Variants in DISC1 observed in about 807,000 individuals in gnomAD.
The protein encoded by DISC1 is DISC1 scaffold protein, also known as disrupted in schizophrenia 1 protein.
DISC1 carries 57 observed loss-of-function variants against 84.5 expected under a neutral mutation model. That is an observed-to-expected ratio of 0.67 (90% CI 0.55 to 0.84). The LOEUF (loss-of-function observed/expected upper bound fraction) is 0.84, where lower values mean the gene tolerates loss of function less well. DISC1 is among the 40% of genes least tolerant of loss of function. The probability of loss-of-function intolerance (pLI) is 0.00; values close to 1 mark genes in which losing one functional copy is unlikely to be tolerated. For synonymous variants in DISC1, 411 were observed against 415.2 expected (o/e 0.99, Z 0.12); for missense variants, 1,000 against 1,057.8 (o/e 0.95, Z 0.76).
At chr1:231,714,520 G>C (rs930857983) in intron 3 of DISC1, among the ~76,000 whole-genome samples, 1 of 151,988 alleles carries the variant, frequency 6.6e-6, no homozygotes, top group Non-Finnish European at 1.5e-5. Context: ...ATATGATTCA[G>C]CAATTCTACT....
At chr1:231,914,883 A>G (rs558790535) in intron 9 of DISC1, among the ~76,000 whole-genome samples, 2 of 152,344 alleles carry the variant, frequency 1.3e-5, no homozygotes, top group South Asian at 4.1e-4. Context: ...CAAGACAGGA[A>G]TGTGAGAATT....
chr1:232,001,522 CAA>C (rs994953286), intron 10 of DISC1, among the ~76,000 whole-genome samples: 27 of 152,186 alleles, frequency 1.8e-4, no homozygotes, highest in African/African-American at 5.3e-4. Flanking sequence ...GCAAAATATA[CAA>C]AGAGATATAA....
intron 2 of DISC1, among the ~76,000 whole-genome samples, chr1:231,696,919 C>T (rs967195593): frequency 2.6e-5 from 4 of 152,202 alleles, no homozygotes; most frequent in East Asian, 1.9e-4. Flanking sequence ...CATTAAGTAA[C>T]GCTAGGCTGT....
chr1:231,780,517 C>A (rs2077334609), intron 6 of DISC1, among the ~76,000 whole-genome samples: 1 of 143,454 alleles, frequency 7.0e-6, no homozygotes, highest in Non-Finnish European at 1.5e-5. Flanking sequence ...ACAACAGGTG[C>A]TGGAGAGGAT....
At chr1:231,726,560 A>C (rs1474897169) in intron 3 of DISC1, among the ~76,000 whole-genome samples, 1 of 152,134 alleles carries the variant, frequency 6.6e-6, no homozygotes, top group East Asian at 1.9e-4. Context: ...CAACAGGGAA[A>C]GCCCCTCCTC....
chr1:231,646,491 A>G (rs1225016986), intron 1 of DISC1, among the ~76,000 whole-genome samples: 1 of 152,206 alleles, frequency 6.6e-6, no homozygotes. Flanking sequence ...TTCTAGTAGC[A>G]TGATTTATAA....
At chr1:231,986,332 A>G (rs1304244821) in intron 10 of DISC1, among the ~76,000 whole-genome samples, 1 of 152,214 alleles carries the variant, frequency 6.6e-6, no homozygotes, top group Admixed American at 6.5e-5. Context: ...TGGATGCATA[A>G]GGCAGTGTAG....
intron 9 of DISC1, among the ~76,000 whole-genome samples, chr1:231,922,795 A>G (rs1210565371): frequency 6.6e-6 from 1 of 152,118 alleles, no homozygotes; most frequent in African/African-American, 2.4e-5. Context: ...TCCCCCAGGA[A>G]GGAAGGATGC....
In DISC1 at chr1:232,038,981, G is replaced by A. The variant is rs555843357; in HGVS notation, c.*2150G>A. The A allele has an allele frequency of 6.6e-6, 1 of 152,334 alleles. No individual in the cohort carries two copies. Among genetic ancestry groups the A allele is most frequent in the East Asian group, 1.9e-4 (1 of 5,184 alleles). 9.4% of individuals were successfully genotyped at this position (152,334 alleles called of 1,614,324 possible). A position where few individuals can be genotyped will look rare whatever the true frequency, so the allele number is the denominator to read the frequency against. On this transcript the variant is annotated 3_prime_UTR_variant, in exon 13 of 13. Coordinates refer to ENST00000439617, the MANE Select transcript of DISC1 (RefSeq NM_018662.3). ...AAGCCAGCAATTGGCTGGGGTCCAG[G>A]AAACAAAGCAAAAGCACAATATGTG...
At chr1:231,774,348 A>G (rs186494350) in intron 6 of DISC1, among the ~76,000 whole-genome samples, 1 of 152,310 alleles carries the variant, frequency 6.6e-6, no homozygotes, top group African/African-American at 2.4e-5. Flanking sequence ...TGGACAATCT[A>G]ATGACTAGTT....
chr1:231,633,677 T>C (rs73111698), intron 1 of DISC1, among the ~76,000 whole-genome samples: 2 of 152,256 alleles, frequency 1.3e-5, no homozygotes, highest in African/African-American at 4.8e-5. Context: ...ATTAACACAA[T>C]TATGTTCGCC....
In DISC1 at chr1:231,755,529, C is replaced by T. The variant is rs139849564; in HGVS notation, c.1268+5453C>T. On this transcript the variant is annotated intron_variant, in intron 4 of 12. Transcript: ENST00000439617. Reference sequence around the variant, plus strand: ...GAATTCCAATCCACAATTCAGTTTTCTATTGAGCATCTCCCTTATTTTTAC... The same window carrying T: ...GAATTCCAATCCACAATTCAGTTTTTTATTGAGCATCTCCCTTATTTTTAC... 2.2e-3 allele frequency among the ~76,000 whole-genome samples: 339 copies of T among 152,256 alleles called. 3 individuals are homozygous for T. The highest frequency in any genetic ancestry group is 7.8e-3 in the African/African-American group (324 of 41,550).
intron 8 of DISC1, among the ~76,000 whole-genome samples, chr1:231,815,599 G>A (rs1343318953): frequency 1.3e-5 from 2 of 152,024 alleles, no homozygotes; most frequent in African/African-American, 4.8e-5. Context: ...TTAACTGGGC[G>A]TGGTGGTGGG....
intron 10 of DISC1, among the ~76,000 whole-genome samples, chr1:231,962,816 A>G (rs1475744245): frequency 6.6e-6 from 1 of 152,066 alleles, no homozygotes; most frequent in Non-Finnish European, 1.5e-5. Flanking sequence ...ATCCAGCCCA[A>G]TGCACGGCCC....
At chr1:232,002,208 A>G (rs1321933372) in intron 10 of DISC1, among the ~76,000 whole-genome samples, 1 of 136,462 alleles carries the variant, frequency 7.3e-6, no homozygotes, top group Non-Finnish European at 1.6e-5. Context: ...TGGCAAAAAC[A>G]AAAAAAAATT....
chr1:231,632,976 C>T (rs2058857872), intron 1 of DISC1, among the ~76,000 whole-genome samples: 1 of 152,166 alleles, frequency 6.6e-6, no homozygotes, highest in Non-Finnish European at 1.5e-5. Context: ...GAGGCTGAGG[C>T]TGGAGAATCG....
intron 6 of DISC1, among the ~76,000 whole-genome samples, chr1:231,772,836 C>G (rs2125468879): frequency 6.6e-6 from 1 of 152,290 alleles, no homozygotes; most frequent in African/African-American, 2.4e-5. Context: ...CTTAAGATCT[C>G]CTCCCATTCC....
chr1:231,691,656 T>A (rs977530330), intron 1 of DISC1, among the ~76,000 whole-genome samples: 1 of 152,386 alleles, frequency 6.6e-6, no homozygotes, highest in East Asian at 1.9e-4. Flanking sequence ...TTTTTCAAGA[T>A]ACGAAATTGT....
intron 11 of DISC1, among the ~76,000 whole-genome samples, chr1:232,011,162 A>G (rs1053669417): frequency 1.3e-5 from 2 of 152,158 alleles, no homozygotes; most frequent in African/African-American, 4.8e-5. Context: ...GTTTTCCTGC[A>G]TAGCATTATA....
Sources: allele counts gnomAD v4.1 joint callset (sites outside exome capture counted in the v4.1 genomes callset), GRCh38; gene constraint gnomAD v4.1.1; transcripts MANE v1.5; gene names NCBI Gene and HGNC (gene_info 2026-07-23, HGNC 2026-07-21).